The following EYS variants were observed in gnomAD, a reference collection of about 807,000 sequenced individuals.
The protein encoded by EYS is EGF-like photoreceptor maintenance factor, also known as protein eyes shut homolog.
In EYS, 250 loss-of-function variants were observed where a neutral mutation model predicts 282.1. That is an observed-to-expected ratio of 0.89 (90% CI 0.80 to 0.98). The LOEUF (loss-of-function observed/expected upper bound fraction) is 0.98, where lower values mean the gene tolerates loss of function less well. Among genes scored for constraint, EYS ranks in the 50% least tolerant of loss-of-function variants. The probability of loss-of-function intolerance (pLI) is 0.00; values close to 1 mark genes in which losing one functional copy is unlikely to be tolerated. For synonymous variants in EYS, 1,355 were observed against 1,282.9 expected, an observed-to-expected ratio of 1.06 and a Z score of -1.20; for missense variants, 4,016 against 3,709.0, an observed-to-expected ratio of 1.08 and a Z score of -2.15.
At chr6:64,849,120 ATT>A (rs1427827371) in intron 19 of EYS, among the ~76,000 whole-genome samples, 7 of 152,012 alleles carry the variant, frequency 4.6e-5, no homozygotes, top group Non-Finnish European at 1.0e-4. Flanking sequence ...ATTTGAATGC[ATT>A]TTGACATCAA....
chr6:64,914,568 T>C (rs532801193), intron 15 of EYS, among the ~76,000 whole-genome samples: 1 of 152,168 alleles, frequency 6.6e-6, no homozygotes, highest in East Asian at 1.9e-4. Flanking sequence ...CCCAGATATA[T>C]CAAGGCCCTT....
At chr6:65,586,974 C>A (rs76320510) in intron 2 of EYS, among the ~76,000 whole-genome samples, 2,007 of 151,980 alleles carry the variant, frequency 0.013, 46 homozygotes, top group African/African-American at 0.046. Flanking sequence ...TAAATACATG[C>A]TTTTATTTTA....
intron 19 of EYS, among the ~76,000 whole-genome samples, chr6:64,852,377 A>G (rs574072928): frequency 1.3e-5 from 2 of 152,236 alleles, no homozygotes; most frequent in Non-Finnish European, 2.9e-5. Context: ...CCCAGCCTAC[A>G]TCTTTCTCAC....
At chr6:65,595,299 T>TCA (rs1304327376) in intron 2 of EYS, among the ~76,000 whole-genome samples, 1 of 151,898 alleles carries the variant, frequency 6.6e-6, no homozygotes, top group African/African-American at 2.4e-5. Flanking sequence ...AAGGGGAATA[T>TCA]CACACACTGG....
intron 14 of EYS, among the ~76,000 whole-genome samples, chr6:64,981,140 T>A (rs930373741): frequency 1.3e-5 from 2 of 151,380 alleles, no homozygotes; most frequent in African/African-American, 4.8e-5. Context: ...GCATTGATTT[T>A]AATCCAGGCA....
chr6:64,773,503 T>C (rs986850914), intron 22 of EYS, among the ~76,000 whole-genome samples: 2 of 151,884 alleles, frequency 1.3e-5, no homozygotes, highest in Non-Finnish European at 2.9e-5. Flanking sequence ...ATAATGGGAT[T>C]GCTGGATCGA....
At chr6:64,156,770 A>G (rs1233242623) in intron 31 of EYS, among the ~76,000 whole-genome samples, 16 of 152,142 alleles carry the variant, frequency 1.1e-4, no homozygotes, top group African/African-American at 2.4e-5. Flanking sequence ...GGAACTTTGA[A>G]CTTGAGAGAG....
chr6:65,501,008 T>TAAAA (rs1766431349), intron 2 of EYS, among the ~76,000 whole-genome samples: 1 of 151,986 alleles, frequency 6.6e-6, no homozygotes. Flanking sequence ...GCTTAAATGT[T>TAAAA]TAGGGATTAA....
chr6:64,786,587 C>G (rs1774029023), intron 22 of EYS, among the ~76,000 whole-genome samples: 1 of 152,100 alleles, frequency 6.6e-6, no homozygotes, highest in African/African-American at 2.4e-5. Context: ...GTCATTCATT[C>G]TATCTCTCTT....
intron 12 of EYS, among the ~76,000 whole-genome samples, chr6:65,199,386 CAA>C (rs1254012018): frequency 6.6e-6 from 1 of 152,060 alleles, no homozygotes; most frequent in East Asian, 1.9e-4. Context: ...GAGAAGAATG[CAA>C]AGTTTTCCTA....
At chr6:64,893,045 T>C (rs1023316210) in intron 18 of EYS, among the ~76,000 whole-genome samples, 7 of 152,066 alleles carry the variant, frequency 4.6e-5, no homozygotes, top group African/African-American at 1.7e-4. Flanking sequence ...GCCACTGTTA[T>C]TGTAATTGTT....
chr6:64,675,428 C>CTTTTTTTT (rs56346431), intron 22 of EYS, among the ~76,000 whole-genome samples: 28 of 114,634 alleles, frequency 2.4e-4, no homozygotes, highest in East Asian at 5.2e-4. Flanking sequence ...CTTTTTTTTT[C>CTTTTTTTT]TTTTTTTTTT....
At chr6:64,077,286 A>G (rs112850345) in intron 32 of EYS, among the ~76,000 whole-genome samples, 1,582 of 152,122 alleles carry the variant, frequency 0.01, 28 homozygotes, top group African/African-American at 0.036. Context: ...ATGCCAGGGA[A>G]TGCTGTGGGA....
At chr6:64,347,796 C>T (rs1206470396) in intron 29 of EYS, among the ~76,000 whole-genome samples, 2 of 151,232 alleles carry the variant, frequency 1.3e-5, no homozygotes, top group African/African-American at 4.8e-5. Flanking sequence ...TTTCCTAATA[C>T]CTGGAAACTC....
At chr6:65,521,274 A>G (rs1767361508) in intron 2 of EYS, among the ~76,000 whole-genome samples, 1 of 152,132 alleles carries the variant, frequency 6.6e-6, no homozygotes, top group Non-Finnish European at 1.5e-5. Context: ...CTCTAGAGTC[A>G]AAAACCCTGG....
chr6:64,116,410 A>G (rs1773387359), intron 31 of EYS, among the ~76,000 whole-genome samples: 1 of 152,210 alleles, frequency 6.6e-6, no homozygotes. Context: ...CCTATAGTAG[A>G]TACATAAAAT....
In EYS at chr6:64,822,642, A is replaced by T. The variant is rs1015121917; in HGVS notation, c.3164+9T>A. ...CTTTCATAAAGCTAATAATAAAAAAAATAGCTACCTTCCATGTAGACAAGG... is the reference window on the plus strand; with the variant it reads ...CTTTCATAAAGCTAATAATAAAAAATATAGCTACCTTCCATGTAGACAAGG... On this transcript the variant is annotated intron_variant, in intron 20 of 42. Coordinates refer to ENST00000503581, the MANE Select transcript of EYS (RefSeq NM_001142800.2). 2 of 1,517,170 alleles carry T rather than the reference A, an allele frequency of 1.3e-6. No individual in the cohort carries two copies. Among genetic ancestry groups the T allele is most frequent in the African/African-American group, 2.8e-5 (2 of 70,632 alleles). The allele number at this position is 1,517,170 out of a possible 1,614,324, so 94.0% of individuals were successfully genotyped here. A position where few individuals can be genotyped will look rare whatever the true frequency, so the allele number is the denominator to read the frequency against.
chr6:65,180,925 T>C (rs911978036), intron 12 of EYS, among the ~76,000 whole-genome samples: 1 of 152,148 alleles, frequency 6.6e-6, no homozygotes, highest in African/African-American at 2.4e-5. Context: ...CATGTGATCT[T>C]TGACAAACCT....
At chr6:64,310,164 T>C (rs907064750) in intron 29 of EYS, among the ~76,000 whole-genome samples, 1 of 151,954 alleles carries the variant, frequency 6.6e-6, no homozygotes, top group Non-Finnish European at 1.5e-5. Flanking sequence ...CCATCGTGGA[T>C]GGCAATGTAG....
Sources: gnomAD v4.1 joint callset for allele counts (sites outside exome capture counted in the v4.1 genomes callset) on GRCh38, gnomAD v4.1.1 for gene constraint, MANE v1.5 for transcripts, NCBI Gene and HGNC (gene_info 2026-07-23, HGNC 2026-07-21) for gene names.